MTOR: variants seen among roughly 807,000 people sequenced by gnomAD.
The protein encoded by MTOR is mechanistic target of rapamycin kinase, also known as serine/threonine-protein kinase mTOR.
Under a neutral mutation model 319.8 loss-of-function variants are expected in MTOR, and 70 were observed. The ratio of observed to expected loss-of-function variants is 0.22; its 90% CI spans 0.18 to 0.27. The LOEUF (loss-of-function observed/expected upper bound fraction) is 0.27. MTOR is among the 10% of genes least tolerant of loss of function. MTOR has a pLI of 1.00. For missense variants in MTOR, 1,890 were observed against 3,274.4 expected (o/e 0.58, Z 10.32); for synonymous variants, 1,183 against 1,211.4 (o/e 0.98, Z 0.49).
Position 11,121,849 on chromosome 1 carries a change from A to G in MTOR, c.6810+130T>C, listed in dbSNP as rs1642543906. 1.1e-5 allele frequency: 14 copies of G among 1,255,840 alleles called. No individual in the cohort carries two copies. The highest frequency in any genetic ancestry group is 1.5e-5 in the Non-Finnish European group (14 of 915,852). The allele number at this position is 1,255,840 out of a possible 1,614,324, so 77.8% of individuals were successfully genotyped here. The stretch of plus-strand genomic sequence containing the variant: ...TCTGCTTTAGGACTCACTTTATTAA[A>G]CCTTCTTCAAAGCTGATTCTCTCAA... On this transcript the variant is annotated intron_variant, in intron 48 of 57. Coordinates refer to ENST00000361445, the MANE Select transcript of MTOR (RefSeq NM_004958.4). The surrounding 1 kb of genome is among the most constrained non-coding windows in gnomAD (Gnocchi z 4.9).
At chr1:11,146,841 GC>G (rs780860561) in intron 31 of MTOR, 50 bp from the exon 32 acceptor site, 2 of 1,287,804 alleles carry the variant, frequency 1.6e-6, no homozygotes, top group Non-Finnish European at 2.3e-6. Flanking sequence ...GGCTGGTTGG[GC>G]TAAAGGCAGC....
chr1:11,125,108 T>C (rs1381741627), intron 46 of MTOR, among the ~76,000 whole-genome samples: 1 of 152,140 alleles, frequency 6.6e-6, no homozygotes, highest in Non-Finnish European at 1.5e-5. Flanking sequence ...GACTGTAGAC[T>C]CTGCTAGATG....
intron 28 of MTOR, among the ~76,000 whole-genome samples, chr1:11,190,140 G>A (rs551878486): frequency 8.5e-5 from 13 of 152,244 alleles, no homozygotes; most frequent in Admixed American, 2.6e-4. Context: ...ACACCTTCAC[G>A]GGTCTCTTTT....
chr1:11,113,023 AGCCCC>A, intron 53 of MTOR, 106 bp from the exon 54 acceptor site: 3 of 1,215,336 alleles, frequency 2.5e-6, no homozygotes, highest in Admixed American at 2.1e-5. Flanking sequence ...GTAAAGCTAT[AGCCCC>A]AAAAAAAGAG....
Position 11,241,620 on chromosome 1 carries a change from C to A in MTOR, c.1474G>T (p.Ala492Ser). The A allele has an allele frequency of 6.2e-7, 1 of 1,613,996 alleles. No individual in the cohort carries two copies. The highest frequency in any genetic ancestry group is 8.5e-7 in the Non-Finnish European group (1 of 1,179,848). Residue 492 changes from alanine (A) to serine (S), a missense_variant, in exon 10 of 58, where the codon GCA (alanine) becomes TCA (serine). Physicochemically the swap from Ala to Ser is moderately conservative, Grantham distance 99. Transcript: ENST00000361445. ...TCCTGCTGGATGCCTGGCCCCATTGCTCGAGCCAGCATGCTGATGCAAGTG... is the reference window on the plus strand; with the variant it reads ...TCCTGCTGGATGCCTGGCCCCATTGATCGAGCCAGCATGCTGATGCAAGTG... ...VFTCISMLARAMGPGIQQDIK... is the reference protein window; with the variant it reads ...VFTCISMLARSMGPGIQQDIK...
intron 29 of MTOR, among the ~76,000 whole-genome samples, chr1:11,164,071 G>A (rs113122149): frequency 1.4e-3 from 217 of 152,104 alleles, no homozygotes; most frequent in Non-Finnish European, 2.3e-3. Context: ...GAGGCTAGGC[G>A]CGGTGGCTCA....
intron 6 of MTOR, among the ~76,000 whole-genome samples, chr1:11,249,466 AG>A (rs915221045): frequency 2.0e-5 from 3 of 148,148 alleles, no homozygotes; most frequent in African/African-American, 5.0e-5. Context: ...TTTCTCGCAG[AG>A]GGGGATTTGG....
At chr1:11,149,301 T>C (rs1393597292) in intron 31 of MTOR, 1 of 152,132 alleles carries the variant, frequency 6.6e-6, no homozygotes, top group Non-Finnish European at 1.5e-5. Context: ...GACCAAGTAA[T>C]TATCGGGTTT....
Position 11,129,821 on chromosome 1 carries a change from G to A in MTOR, c.5631C>T (p.Leu1877=), listed in dbSNP as rs2100424352. The A allele has an allele frequency of 6.8e-6, 11 of 1,614,206 alleles. No individual in the cohort carries two copies. Among genetic ancestry groups the A allele is most frequent in the Non-Finnish European group, 9.3e-6 (11 of 1,180,016 alleles). ...GGACGGCAGGCACCGTGTACATCAG[G>A]AGGGTTTTGGACAGATCCTGTTGGA... The part of the protein sequence containing the change: ...KKVTEDLSKT[L]LMYTVPAVQG... The change falls in exon 40 of 58, where the codon CTC becomes CTT. Residue 1877 remains leucine, a synonymous_variant. Coordinates refer to ENST00000361445, the MANE Select transcript of MTOR (RefSeq NM_004958.4). The surrounding 1 kb of genome is among the most constrained non-coding windows in gnomAD (Gnocchi z 4.7).
chr1:11,238,059 A>C lies in MTOR; in HGVS notation c.2003-11T>G. On this transcript the variant is annotated splice_polypyrimidine_tract_variant and intron_variant, in intron 12 of 57. Transcript: ENST00000361445. ...AGCGAATGTCAGGGTCTGCAAGAGCAATGGAGCCTTTGAACATTTCCTCAT... is the reference window on the plus strand; with the variant it reads ...AGCGAATGTCAGGGTCTGCAAGAGCCATGGAGCCTTTGAACATTTCCTCAT... 1 of 1,613,846 alleles carries C rather than the reference A, an allele frequency of 6.2e-7. No homozygotes were observed. Among genetic ancestry groups the C allele is most frequent in the Admixed American group, 1.7e-5 (1 of 60,014 alleles).
At chr1:11,144,812 G>A (rs1643877987) in intron 33 of MTOR, 57 bp from the exon 34 acceptor site, 1 of 1,564,118 alleles carries the variant, frequency 6.4e-7, no homozygotes, top group Non-Finnish European at 8.8e-7. Context: ...CCAAAAGACA[G>A]GATTAATTTA....
intron 18 of MTOR, among the ~76,000 whole-genome samples, chr1:11,230,533 T>A (rs1398741597): frequency 6.6e-6 from 1 of 152,156 alleles, no homozygotes; most frequent in African/African-American, 2.4e-5. Flanking sequence ...GATTTCCCTA[T>A]CAATTAAAAC....
chr1:11,196,679 C>T (rs1380401676), intron 28 of MTOR, among the ~76,000 whole-genome samples: 1 of 151,860 alleles, frequency 6.6e-6, no homozygotes, highest in Admixed American at 6.6e-5. Context: ...ATGGTGAAAC[C>T]CCTTTCTACT....
rs754392569 is a variant in MTOR at position 11,259,253 on chromosome 1, G to A, written c.157C>T (p.Arg53Ter). 6.2e-7 allele frequency: 1 copy of A among 1,613,576 alleles called. No homozygotes were observed. The highest frequency in any genetic ancestry group is 8.5e-7 in the Non-Finnish European group (1 of 1,179,792). The change falls in exon 2 of 58, where the codon CGA (arginine) becomes TGA (stop). Residue 53 changes from arginine (R) to a stop codon, truncating the protein, a stop_gained. Transcript: ENST00000361445. LOFTEE classifies it high-confidence loss of function. ...ELQHYVTMEL[R>*]EMSQEESTRF... ...GCCCCAGATCCCAGAAGCACCTCTC[G>A]GAGTTCCATGGTGACATAGTGCTGG...
chr1:11,257,380 C>CA lies in MTOR; in HGVS notation c.272-216dup, dbSNP rs1006118528. 0.06 allele frequency among the ~76,000 whole-genome samples: 2,206 copies of CA among 36,606 alleles called. 54 individuals carry two copies. Among genetic ancestry groups the CA allele is most frequent in the African/African-American group, 0.13 (1,502 of 11,336 alleles). The allele number at this position is 36,606 out of a possible 152,430, so 24.0% of individuals were successfully genotyped here. A position where few individuals can be genotyped will look rare whatever the true frequency, so the allele number is the denominator to read the frequency against. On this transcript the variant is annotated intron_variant, in intron 3 of 57. Transcript: ENST00000361445. ...GTGAAACCCCGTCTCTACTAAGATA[C>CA]AAAAAAAAAAAAAAAAAAAAGAAAA...
intron 28 of MTOR, among the ~76,000 whole-genome samples, chr1:11,175,603 T>C (rs552840719): frequency 3.9e-5 from 6 of 152,360 alleles, no homozygotes; most frequent in African/African-American, 1.4e-4. Context: ...AGGGCAAGCA[T>C]GCGAGCTGAG....
intron 5 of MTOR, among the ~76,000 whole-genome samples, 166 bp downstream of exon 5, chr1:11,255,826 G>A (rs1278283869): frequency 2.4e-5 from 3 of 127,266 alleles, no homozygotes; most frequent in African/African-American, 8.7e-5. Context: ...CAGCCTGGGC[G>A]ACAAAGCAAG....
In MTOR at chr1:11,127,825, G is replaced by A. The variant is rs2100409753; in HGVS notation, c.6034-19C>T. 1 of 1,607,052 alleles carries A rather than the reference G, an allele frequency of 6.2e-7. No homozygotes were observed. The highest frequency in any genetic ancestry group is 8.5e-7 in the Non-Finnish European group (1 of 1,176,508). On this transcript the variant is annotated intron_variant, in intron 43 of 57. Coordinates refer to ENST00000361445, the MANE Select transcript of MTOR (RefSeq NM_004958.4). The surrounding 1 kb of genome is among the most constrained non-coding windows in gnomAD (Gnocchi z 5.5). ...CGCTCACCTGAAGCCAAGAGAAGAA[G>A]GAGAGAAGCATCAAGAATCAGCTAA...
chr1:11,164,092 C>A lies in MTOR; in HGVS notation c.4329+3350G>T, dbSNP rs1644561059. On this transcript the variant is annotated intron_variant, in intron 29 of 57. Transcript: ENST00000361445. Reference sequence around the variant, plus strand: ...AGGCGCGGTGGCTCATGCCTGTAATCCCAGCACTTTGGGAGGCCGAGGTGG... The same window carrying A: ...AGGCGCGGTGGCTCATGCCTGTAATACCAGCACTTTGGGAGGCCGAGGTGG... Among the ~76,000 whole-genome samples, 3 of 151,916 alleles carry A rather than the reference C, an allele frequency of 2.0e-5. No homozygotes were observed. The South Asian group carries it at 6.2e-4, about 32-fold the overall frequency.
Sources: allele counts gnomAD v4.1 joint callset (sites outside exome capture counted in the v4.1 genomes callset), GRCh38; gene constraint gnomAD v4.1.1; non-coding constraint Gnocchi (gnomAD v3.1); transcripts MANE v1.5; gene names NCBI Gene and HGNC (gene_info 2026-07-23, HGNC 2026-07-21).